The following TACC1 variants were observed in gnomAD, a reference collection of about 807,000 sequenced individuals.
The protein encoded by TACC1 is transforming acidic coiled-coil containing protein 1.
Under a neutral mutation model 84.4 loss-of-function variants are expected in TACC1, and 48 were observed. The ratio of observed to expected loss-of-function variants is 0.57; its 90% CI spans 0.45 to 0.72. TACC1 has a LOEUF of 0.72. Among genes scored for constraint, TACC1 ranks in the 30% least tolerant of loss-of-function variants. The pLI is 0.00. For missense variants in TACC1, 920 were observed against 973.0 expected (o/e 0.95, Z 0.72); for synonymous variants, 372 against 376.3 (o/e 0.99, Z 0.13).
At chr8:38,832,323 AAG>A (rs1205822347) in intron 6 of TACC1, among the ~76,000 whole-genome samples, 9 of 152,268 alleles carry the variant, frequency 5.9e-5, no homozygotes, top group Non-Finnish European at 1.3e-4. Flanking sequence ...ACACGTGGAA[AAG>A]AGAGTGGAAA....
At chr8:38,823,898 T>G in intron 3 of TACC1, 1 of 916,734 alleles carries the variant, frequency 1.1e-6, no homozygotes, top group Non-Finnish European at 1.6e-6. Context: ...CTTTTACATC[T>G]GCCAGACTAG....
upstream of TACC1, among the ~76,000 whole-genome samples, chr8:38,783,066 A>ATATCTATCTATC (rs58057050): frequency 1.1e-4 from 15 of 135,408 alleles, no homozygotes; most frequent in Non-Finnish European, 2.0e-4. Context: ...TGTAGTGTAA[A>ATATCTATCTATC]TATCTATCTA....
intron 9 of TACC1, 109 bp downstream of exon 9, chr8:38,840,376 A>G (rs1831022894): frequency 2.1e-6 from 2 of 967,326 alleles, no homozygotes; most frequent in Middle Eastern, 2.2e-4. Flanking sequence ...AACAACAAAC[A>G]TTTTTCATAG....
chr8:38,830,825 A>C (rs1179256295), intron 5 of TACC1, among the ~76,000 whole-genome samples: 1 of 152,232 alleles, frequency 6.6e-6, no homozygotes, highest in Non-Finnish European at 1.5e-5. Context: ...ATAATGCCAC[A>C]GTTAGTACGA....
intron 11 of TACC1, among the ~76,000 whole-genome samples, chr8:38,844,151 G>A (rs1386350451): frequency 6.6e-6 from 1 of 151,952 alleles, no homozygotes; most frequent in African/African-American, 2.4e-5. Flanking sequence ...GCAAGCAACA[G>A]AGCATTTATT....
At chr8:38,797,522 G>A (rs967328310) in intron 2 of TACC1, among the ~76,000 whole-genome samples, 2 of 152,154 alleles carry the variant, frequency 1.3e-5, no homozygotes, top group African/African-American at 4.8e-5. Flanking sequence ...CCGCCTATTG[G>A]CTTGTGGTCC....
chr8:38,781,347 G>A (rs1381711704), intron 3 of TACC1, among the ~76,000 whole-genome samples: 1 of 151,732 alleles, frequency 6.6e-6, no homozygotes, highest in Non-Finnish European at 1.5e-5. Context: ...GGGAAAAGAA[G>A]AAGGAATAAA....
At chr8:38,731,925 A>G (rs1418553352) in intron 1 of TACC1, among the ~76,000 whole-genome samples, 1 of 152,182 alleles carries the variant, frequency 6.6e-6, no homozygotes, top group Non-Finnish European at 1.5e-5. Context: ...CAGCCTGGCC[A>G]ACATGGTGAA....
At chr8:38,798,190 C>T (rs1438030787) in intron 2 of TACC1, among the ~76,000 whole-genome samples, 1 of 151,434 alleles carries the variant, frequency 6.6e-6, no homozygotes, top group Non-Finnish European at 1.5e-5. Context: ...GTGGTACAAT[C>T]ATAGCTCACT....
At chr8:38,836,063 AAAGGATGTGATCAATTTAGTAATGAG>A in intron 6 of TACC1, 73 bp from the exon 7 acceptor site, 1 of 1,505,044 alleles carries the variant, frequency 6.6e-7, no homozygotes, top group African/African-American at 1.4e-5. Flanking sequence ...ACATGGTTTT[AAAGGATGTGATCAATTTAGTAATGAG>A]GAAGTTGTTG....
At chr8:38,787,053 C>T (rs1243212944), upstream of TACC1, among the ~76,000 whole-genome samples, 1 of 151,696 alleles carries the variant, frequency 6.6e-6, no homozygotes, top group African/African-American at 2.4e-5. Flanking sequence ...AGCCCCGGCC[C>T]TCAGTCGGGC....
chr8:38,827,132 C>T, intron 4 of TACC1, 36 bp from the exon 5 acceptor site: 1 of 1,592,664 alleles, frequency 6.3e-7, no homozygotes, highest in Middle Eastern at 2.2e-4. Flanking sequence ...TGCTTGCCCT[C>T]CTAAAGGGTA....
intron 3 of TACC1, chr8:38,823,965 G>C (rs62506676): frequency 7.4e-7 from 1 of 1,350,550 alleles, no homozygotes; most frequent in African/African-American, 1.5e-5. Flanking sequence ...TCTCTTTCCT[G>C]TCTCTAATTT....
rs373360135 is a variant in TACC1, at chr8:38,840,279, A to G, written c.1960+12A>G. 8 of 1,612,200 alleles carry G rather than the reference A, an allele frequency of 5.0e-6. No individual in the cohort carries two copies. The African/African-American group carries it at 9.3e-5, about 19-fold the overall frequency. On this transcript the variant is annotated intron_variant, in intron 9 of 12. Transcript: ENST00000317827. ...TGCTCAAATGATTGGTAAGGAGAAC[A>G]TTTTGTTTTTTGAGGGTATGAGCCA...
rs540079128 is a variant in TACC1, at chr8:38,747,293, G to T, written c.26+1800G>T. ...TTTGGCCACTTTGAAAGACAGTTTT[G>T]ACAGTTTCTTGCAAAACGAAACATA... On this transcript the variant is annotated intron_variant, in intron 3 of 14. Coordinates refer to the TACC1 transcript ENST00000518415. 1.1e-3 allele frequency among the ~76,000 whole-genome samples: 174 copies of T among 152,270 alleles called. 1 individual carries two copies. Among genetic ancestry groups the T allele is most frequent in the African/African-American group, 3.7e-3 (153 of 41,540 alleles).
intron 4 of TACC1, among the ~76,000 whole-genome samples, chr8:38,826,208 G>C (rs1828010920): frequency 6.6e-6 from 1 of 152,040 alleles, no homozygotes; most frequent in African/African-American, 2.4e-5. Context: ...GGGTGTGATG[G>C]GGGAAATTTA....
intron 3 of TACC1, chr8:38,757,167 T>A (rs1810216277): frequency 1.1e-6 from 1 of 888,736 alleles, no homozygotes; most frequent in Non-Finnish European, 1.4e-6. Flanking sequence ...TGAAGCCACC[T>A]CCTTCCCCGC....
chr8:38,757,359 G>A (rs966865036), intron 3 of TACC1: 2 of 1,265,024 alleles, frequency 1.6e-6, no homozygotes, highest in Admixed American at 2.4e-5. Flanking sequence ...CTCAGACCCC[G>A]AGGGGCCGGG....
intron 3 of TACC1, among the ~76,000 whole-genome samples, chr8:38,823,167 G>A (rs1288988885): frequency 6.6e-6 from 1 of 152,218 alleles, no homozygotes; most frequent in Non-Finnish European, 1.5e-5. Context: ...ATCAACTTCA[G>A]TACCAAGAAA....
Sources: gnomAD v4.1 joint callset for allele counts (sites outside exome capture counted in the v4.1 genomes callset) on GRCh38, gnomAD v4.1.1 for gene constraint, MANE v1.5 for transcripts, NCBI Gene and HGNC (gene_info 2026-07-23, HGNC 2026-07-21) for gene names.